Variants in PXN observed in about 807,000 individuals in gnomAD.
PXN encodes testicular tissue protein Li 134.
Under a neutral mutation model 103.6 loss-of-function variants are expected in PXN, and 61 were observed. That is an observed-to-expected ratio of 0.59 (90% confidence interval 0.48 to 0.73). PXN has a LOEUF of 0.73. Among genes scored for constraint, PXN ranks in the 30% least tolerant of loss-of-function variants. The pLI is 0.00. For synonymous variants in PXN, 562 were observed against 607.8 expected, an observed-to-expected ratio of 0.92 and a Z score of 1.11; for missense variants, 1,274 against 1,460.3, an observed-to-expected ratio of 0.87 and a Z score of 2.08.
intron 1 of PXN, among the ~76,000 whole-genome samples, chr12:120,239,017 C>T (rs577239150): frequency 1.9e-4 from 29 of 152,184 alleles, no homozygotes; most frequent in Non-Finnish European, 3.7e-4. Flanking sequence ...ACCAAACTGT[C>T]GGGTGGGGCT....
In PXN at chr12:120,215,233, C is replaced by T; in HGVS notation, c.2444G>A (p.Gly815Glu). 1.3e-6 allele frequency: 2 copies of T among 1,591,566 alleles called. No homozygotes were observed. The highest frequency in any genetic ancestry group is 1.7e-4 in the Middle Eastern group (1 of 6,016). ...CTGGCTCCCGGGCTTCGGGGGCCCC[C>T]CAGGGGGTGAGCTGCTCCCTGTCTT... ...QGKTGSSSPP[G>E]GPPKPGSQLD... is the part of the protein sequence containing the mutation. Residue 815 changes from glycine to glutamate, a missense_variant, in exon 11 of 15, where the codon GGG becomes GAG. Physicochemically the swap from Gly to Glu is moderately conservative, Grantham distance 98. Coordinates refer to ENST00000637617, the MANE Select transcript of PXN (RefSeq NM_001385981.1). The surrounding 1 kb of genome is among the most constrained non-coding windows in gnomAD (Gnocchi z 4.9).
chr12:120,240,577 CA>C (rs1889969183), intron 1 of PXN, among the ~76,000 whole-genome samples: 1 of 152,154 alleles, frequency 6.6e-6, no homozygotes, highest in Admixed American at 6.5e-5. Context: ...GGTCACCAAG[CA>C]GATGCATCTG....
At position 120,212,573 on chromosome 12, in the gene PXN, A is replaced by G; in HGVS notation, c.2987T>C (p.Phe996Ser). ...GAAGCTGCCGTTCACGAATGGCGTG[A>G]AGCATTCCTGCCAGGCGGAGAGAGG... ...HPECFVCRECFTPFVNGSFFE... is the reference protein window; with the variant it reads ...HPECFVCRECSTPFVNGSFFE... Residue 996 changes from phenylalanine to serine, a missense_variant, in exon 15 of 15, where the codon TTC becomes TCC. This residue lies in a region of PXN where 96 missense variants were observed against 151.3 expected (regional missense o/e 0.63). Coordinates refer to ENST00000637617, the MANE Select transcript of PXN (RefSeq NM_001385981.1). This position sits in a 1 kb window ranked among gnomAD's most constrained non-coding sequence, Gnocchi z 7.2. 1 of 1,611,514 alleles carries G rather than the reference A, an allele frequency of 6.2e-7. No homozygotes were observed. The highest frequency in any genetic ancestry group is 8.5e-7 in the Non-Finnish European group (1 of 1,178,288).
In PXN at chr12:120,219,772, C is replaced by T; in HGVS notation, c.1151G>A (p.Trp384Ter). 2 of 1,597,962 alleles carry T rather than the reference C, an allele frequency of 1.3e-6. No homozygotes were observed. Among genetic ancestry groups the T allele is most frequent in the Non-Finnish European group, 1.7e-6 (2 of 1,179,572 alleles). The change falls in exon 7 of 15, where the codon TGG becomes TAG. Residue 384 changes from tryptophan (W) to a stop codon, truncating the protein, a stop_gained. Coordinates refer to ENST00000637617, the MANE Select transcript of PXN (RefSeq NM_001385981.1). LOFTEE classifies it high-confidence loss of function. The surrounding 1 kb of genome is among the most constrained non-coding windows in gnomAD (Gnocchi z 6.5). ...ACTTGTGATGGTCGGCAGGTGCCTCCAATCTCGACCCTGACTCTCTGTGCC... is the reference window on the plus strand; with the variant it reads ...ACTTGTGATGGTCGGCAGGTGCCTCTAATCTCGACCCTGACTCTCTGTGCC... ...AVGTESQGRD[W>*]RHLPTITSEL...
intron 1 of PXN, chr12:120,226,174 G>C: frequency 8.3e-7 from 1 of 1,209,204 alleles, no homozygotes. Flanking sequence ...GCTTCACGCA[G>C]TGTCCTCATT....
At position 120,212,810 on chromosome 12, in the gene PXN, G is replaced by C; in HGVS notation, c.2980-230C>G. The C allele has an allele frequency of 2.2e-6, 1 of 445,052 alleles. No homozygotes were observed. Among genetic ancestry groups the C allele is most frequent in the Middle Eastern group, 5.9e-4 (1 of 1,700 alleles). The allele number at this position is 445,052 out of a possible 1,614,324, so 27.6% of individuals were successfully genotyped here. On this transcript the variant is annotated intron_variant, in intron 14 of 14. Coordinates refer to ENST00000637617, the MANE Select transcript of PXN (RefSeq NM_001385981.1). The surrounding 1 kb of genome is among the most constrained non-coding windows in gnomAD (Gnocchi z 7.2). ...ATATTGCCCATGCTGGTCAAATGTG[G>C]CCTCCTGCAATCCTCCCACCTCGGC... is the stretch of plus-strand genomic sequence containing the variant.
rs1367445666 is a variant in PXN at position 120,216,403 on chromosome 12, C to G, written c.2171G>C (p.Gly724Ala). 7.4e-7 allele frequency: 1 copy of G among 1,349,510 alleles called. No individual in the cohort carries two copies. Among genetic ancestry groups the G allele is most frequent in the African/African-American group, 1.5e-5 (1 of 65,168 alleles). 83.6% of individuals were successfully genotyped at this position (1,349,510 alleles called of 1,614,324 possible). A position where few individuals can be genotyped will look rare whatever the true frequency, so the allele number is the denominator to read the frequency against. The change falls in exon 9 of 15, where the codon GGG (glycine) becomes GCG (alanine). Residue 724 changes from glycine (G) to alanine (A), a missense_variant. Gly to Ala is a moderately conservative substitution (Grantham distance 60). Around this residue, in one of 2 missense-constraint regions of PXN, gnomAD observed 1,178 missense variants for 1,309.0 expected, o/e 0.90. Coordinates refer to ENST00000637617, the MANE Select transcript of PXN (RefSeq NM_001385981.1). The surrounding 1 kb of genome is among the most constrained non-coding windows in gnomAD (Gnocchi z 5.1). ...GGGCTCTTCCCCTGCACTCTGGACC[C>G]CAGAAGAACCACAGGTATAAGCTGA... ...GPSAYTCGSS[G>A]VQSAGEEPHD... is the part of the protein sequence containing the mutation.
Position 120,219,835 on chromosome 12 carries a change from G to C in PXN, c.1088C>G (p.Ser363Ter), listed in dbSNP as rs758668300. The C allele has an allele frequency of 8.8e-6, 14 of 1,598,334 alleles. No individual in the cohort carries two copies. The highest frequency in any genetic ancestry group is 1.3e-5 in the African/African-American group (1 of 74,932). ...GLGVMPDTFN[S>*]RSPSVEGSLW... The stretch of plus-strand genomic sequence containing the variant: ...AGAACCCTCCACAGAGGGAGACCTT[G>C]AGTTGAAGGTGTCAGGCATCACCCC... The change falls in exon 7 of 15, where the codon TCA becomes TGA. Residue 363 changes from serine to a stop codon, truncating the protein, a stop_gained. Coordinates refer to ENST00000637617, the MANE Select transcript of PXN (RefSeq NM_001385981.1). LOFTEE classifies it high-confidence loss of function. This position sits in a 1 kb window ranked among gnomAD's most constrained non-coding sequence, Gnocchi z 6.5.
Position 120,213,956 on chromosome 12 carries a change from G to T in PXN, c.2865C>A (p.Arg955=), listed in dbSNP as rs752309189. Residue 955 remains arginine, a synonymous_variant, in exon 14 of 15, where the codon CGC becomes CGA. Transcript: ENST00000637617. The surrounding 1 kb of genome is among the most constrained non-coding windows in gnomAD (Gnocchi z 4.2). ...FHEKDGKAYC[R]KDYFDMFAPK... is the part of the protein sequence containing the mutation. ...GTGCGAACATGTCGAAGTAGTCCTT[G>T]CGACAGTAGGCCTTGCCGTCCTTCT... is the stretch of plus-strand genomic sequence containing the variant. 21 of 1,612,494 alleles carry T rather than the reference G, an allele frequency of 1.3e-5. No individual in the cohort carries two copies. Among genetic ancestry groups the T allele is most frequent in the African/African-American group, 1.3e-5 (1 of 74,914 alleles).
Position 120,222,639 on chromosome 12 carries a change from G to A in PXN, c.605C>T (p.Pro202Leu), listed in dbSNP as rs766497021. ...GKAGPLTKEKPKRNGGRGLED... is the reference protein window; with the variant it reads ...GKAGPLTKEKLKRNGGRGLED... ...CAGGCCCCGGCCCCCATTCCGCTTA[G>A]GCTTCTCTTTCGTCAGGGGCCCAGC... Residue 202 changes from proline (P) to leucine (L), a missense_variant, in exon 5 of 15, where the codon CCT becomes CTT. This residue lies in a region of PXN where 1,178 missense variants were observed against 1,309.0 expected (regional missense o/e 0.90). Coordinates refer to ENST00000637617, the MANE Select transcript of PXN (RefSeq NM_001385981.1). The surrounding 1 kb of genome is among the most constrained non-coding windows in gnomAD (Gnocchi z 4.7). 1.9e-6 allele frequency: 3 copies of A among 1,609,504 alleles called. No individual in the cohort carries two copies. The Admixed American group carries it at 5.1e-5, about 27-fold the overall frequency.
At chr12:120,218,257 T>A (rs771678057) in intron 7 of PXN, among the ~76,000 whole-genome samples, 13 of 151,962 alleles carry the variant, frequency 8.6e-5, no homozygotes, top group Non-Finnish European at 1.3e-4. Flanking sequence ...TTGCCTAGGC[T>A]GGTCTCAAAC....
chr12:120,226,815 A>C (rs946602586), intron 1 of PXN: 1 of 1,021,130 alleles, frequency 9.8e-7, no homozygotes, highest in African/African-American at 1.7e-5. Context: ...CTGTTGTCTC[A>C]GTAAGCTCTT....
Position 120,217,118 on chromosome 12 carries a change from T to C in PXN, c.1717-2A>G, listed in dbSNP as rs775367557. ...GCTCCTCCTGATCACAGATCGGATC[T>C]AGGGGGAGGGGGAGGGGAGGCTGTC... is the stretch of plus-strand genomic sequence containing the variant. On this transcript the variant is annotated splice_acceptor_variant, in intron 7 of 14. Transcript: ENST00000637617. LOFTEE classifies it high-confidence loss of function. This position sits in a 1 kb window ranked among gnomAD's most constrained non-coding sequence, Gnocchi z 4.1. 6 of 1,579,944 alleles carry C rather than the reference T, an allele frequency of 3.8e-6. No homozygotes were observed. The highest frequency in any genetic ancestry group is 5.1e-6 in the Non-Finnish European group (6 of 1,171,266).
intron 1 of PXN, among the ~76,000 whole-genome samples, chr12:120,261,923 C>G (rs1054774541): frequency 6.6e-6 from 1 of 152,152 alleles, no homozygotes; most frequent in Non-Finnish European, 1.5e-5. Flanking sequence ...GGTTTGAATC[C>G]CAGCTCTGCC....
intron 1 of PXN, among the ~76,000 whole-genome samples, chr12:120,232,370 C>T (rs1888218385): frequency 6.6e-6 from 1 of 152,166 alleles, no homozygotes; most frequent in Non-Finnish European, 1.5e-5. Flanking sequence ...TGTCCAGAAT[C>T]AGTGGGCCCT....
In PXN at chr12:120,211,597, T is replaced by C. The variant is rs1056037829; in HGVS notation, c.*717A>G. 7 of 233,728 alleles carry C rather than the reference T, an allele frequency of 3.0e-5. No homozygotes were observed. Among genetic ancestry groups the C allele is most frequent in the South Asian group, 1.1e-4 (2 of 17,518 alleles). 14.5% of individuals were successfully genotyped at this position (233,728 alleles called of 1,614,324 possible). On this transcript the variant is annotated 3_prime_UTR_variant, in exon 15 of 15. Coordinates refer to ENST00000637617, the MANE Select transcript of PXN (RefSeq NM_001385981.1). ...GGCGATATGAATTCAAACCTCAGTG[T>C]AGAAATCTATCAAAGTCGGTACAGT...
At chr12:120,235,554 CCA>C (rs1400115641) in intron 1 of PXN, among the ~76,000 whole-genome samples, 1 of 152,158 alleles carries the variant, frequency 6.6e-6, no homozygotes, top group African/African-American at 2.4e-5. Context: ...CTGCTCGTCA[CCA>C]CTCTCCACTC....
Position 120,214,036 on chromosome 12 carries a change from A to G in PXN, c.2831-46T>C. 1 of 1,598,536 alleles carries G rather than the reference A, an allele frequency of 6.3e-7. No homozygotes were observed. Among genetic ancestry groups the G allele is most frequent in the Non-Finnish European group, 8.5e-7 (1 of 1,173,296 alleles). Reference sequence around the variant, plus strand: ...AGGCACAGTTCATTCCGGCTTCCAGAAGTGGAGCCACTCTGACTCCAACCT... The same window carrying G: ...AGGCACAGTTCATTCCGGCTTCCAGGAGTGGAGCCACTCTGACTCCAACCT... On this transcript the variant is annotated intron_variant, in intron 13 of 14. Coordinates refer to ENST00000637617, the MANE Select transcript of PXN (RefSeq NM_001385981.1). This position sits in a 1 kb window ranked among gnomAD's most constrained non-coding sequence, Gnocchi z 5.0.
At chr12:120,248,301 C>G (rs1425130370) in intron 1 of PXN, among the ~76,000 whole-genome samples, 2 of 151,962 alleles carry the variant, frequency 1.3e-5, no homozygotes, top group Admixed American at 6.6e-5. Flanking sequence ...TGTCCACAGC[C>G]CCTAGACCTT....
Sources: allele counts gnomAD v4.1 joint callset (sites outside exome capture counted in the v4.1 genomes callset), GRCh38; gene constraint gnomAD v4.1.1; regional missense constraint gnomAD v4.1.1; non-coding constraint Gnocchi (gnomAD v3.1); transcripts MANE v1.5; gene names NCBI Gene and HGNC (gene_info 2026-07-23, HGNC 2026-07-21).